BSN: variants seen among roughly 807,000 people sequenced by gnomAD.
BSN encodes the protein bassoon presynaptic cytomatrix protein, also known as protein bassoon.
A neutral mutation model predicts 264.8 loss-of-function variants in BSN; 57 were observed. That is an observed-to-expected ratio of 0.22 (90% CI 0.17 to 0.27). The LOEUF is 0.27. BSN is among the 10% of genes least tolerant of loss of function. The pLI is 1.00. For missense variants in BSN, 4,615 were observed against 5,232.5 expected (o/e 0.88, Z 3.64); for synonymous variants, 2,059 against 2,137.3 (o/e 0.96, Z 1.01).
At position 49,670,894 on chromosome 3, in the gene BSN, C is replaced by G. The variant is rs922186183; in HGVS notation, c.*3409C>G. 2.0e-5 allele frequency: 3 copies of G among 152,232 alleles called. No homozygotes were observed. The highest frequency in any genetic ancestry group is 4.4e-5 in the Non-Finnish European group (3 of 68,056). 9.4% of individuals were successfully genotyped at this position (152,232 alleles called of 1,614,324 possible). A position where few individuals can be genotyped will look rare whatever the true frequency, so the allele number is the denominator to read the frequency against. On this transcript the variant is annotated 3_prime_UTR_variant, in exon 12 of 12. Transcript: ENST00000296452. Reference sequence around the variant, plus strand: ...GGAGTTTTCCAGGCAGGTCCTTTGCCAGGACAGCATGGTCCTGCCCTGTTG... The same window carrying G: ...GGAGTTTTCCAGGCAGGTCCTTTGCGAGGACAGCATGGTCCTGCCCTGTTG...
intron 1 of BSN, among the ~76,000 whole-genome samples, chr3:49,576,192 G>A (rs1033336478): frequency 2.0e-5 from 3 of 152,020 alleles, no homozygotes; most frequent in African/African-American, 7.2e-5. Flanking sequence ...GTTCTAGCTG[G>A]ATTCCTACTT....
Position 49,663,819 on chromosome 3 carries a change from G to A in BSN, c.11541G>A (p.Gly3847=), listed in dbSNP as rs776925935. 3 of 1,613,994 alleles carry A rather than the reference G, an allele frequency of 1.9e-6. No homozygotes were observed. Among genetic ancestry groups the A allele is most frequent in the East Asian group, 4.5e-5 (2 of 44,906 alleles). The change falls in exon 8 of 12, where the codon GGG becomes GGA. Residue 3847 remains glycine, a synonymous_variant. Coordinates refer to ENST00000296452, the MANE Select transcript of BSN (RefSeq NM_003458.4). ...PRAEQTNGSK[G]TAKAPQQGRA... is the part of the protein sequence containing the mutation. ...CAGAACAGACAAATGGCTCTAAAGG[G>A]ACAGCCAAAGCACCGCAACAGGGGA...
rs1401358675 is a variant in BSN at position 49,652,813 on chromosome 3, G to C, written c.3257G>C (p.Arg1086Thr). Reference protein sequence around the residue: ...RDKEELRAQRRRERSKTPPSN... With the variant: ...RDKEELRAQRTRERSKTPPSN... ...AAGGAAGAACTGCGGGCCCAGCGGA[G>C]GCGAGAGCGCTCCAAGACACCACCC... is the stretch of plus-strand genomic sequence containing the variant. The change falls in exon 5 of 12, where the codon AGG (arginine) becomes ACG (threonine). Residue 1086 changes from arginine (R) to threonine (T), a missense_variant. Around this residue, in one of 3 missense-constraint regions of BSN, gnomAD observed 3,415 missense variants for 3,866.4 expected, o/e 0.88. Transcript: ENST00000296452. 1 of 1,566,558 alleles carries C rather than the reference G, an allele frequency of 6.4e-7. No homozygotes were observed. Among genetic ancestry groups the C allele is most frequent in the East Asian group, 2.3e-5 (1 of 44,392 alleles).
At position 49,642,924 on chromosome 3, in the gene BSN, G is replaced by A. The variant is rs749525893; in HGVS notation, c.1290G>A (p.Pro430=). The change falls in exon 3 of 12, where the codon CCG becomes CCA. Residue 430 remains proline (P), a synonymous_variant. Transcript: ENST00000296452. The surrounding 1 kb of genome is among the most constrained non-coding windows in gnomAD (Gnocchi z 7.0). ...CTGGATCTGGACCTGGAGCCCTGCC[G>A]AAAACTGGGGGAACAACCAGTCCAA... ...MGPGSGPGAL[P]KTGGTTSPKH... 6.8e-6 allele frequency: 11 copies of A among 1,614,034 alleles called. No individual in the cohort carries two copies. The highest frequency in any genetic ancestry group is 5.0e-5 in the Admixed American group (3 of 60,016).
At chr3:49,643,867 G>A (rs925071567) in intron 3 of BSN, among the ~76,000 whole-genome samples, 3 of 152,220 alleles carry the variant, frequency 2.0e-5, no homozygotes, top group African/African-American at 7.2e-5. Context: ...CTGCTCCAGG[G>A]AAGGGCACTG....
chr3:49,614,250 A>G (rs1023796923), intron 1 of BSN, among the ~76,000 whole-genome samples: 1 of 151,798 alleles, frequency 6.6e-6, no homozygotes, highest in Non-Finnish European at 1.5e-5. Context: ...TAGTAGAGAC[A>G]GGGTTTCACC....
intron 1 of BSN, among the ~76,000 whole-genome samples, chr3:49,578,204 A>G (rs865785173): frequency 6.6e-6 from 1 of 151,810 alleles, no homozygotes; most frequent in Non-Finnish European, 1.5e-5. Flanking sequence ...CTTGTTGCCC[A>G]CCTAGGATGG....
At chr3:49,568,332 G>A (rs1028308445) in intron 1 of BSN, among the ~76,000 whole-genome samples, 6 of 152,126 alleles carry the variant, frequency 3.9e-5, no homozygotes, top group African/African-American at 9.7e-5. Context: ...GGCATATACC[G>A]TACTTTTTTA....
At position 49,656,056 on chromosome 3, in the gene BSN, A is replaced by G. The variant is rs759687689; in HGVS notation, c.6500A>G (p.Tyr2167Cys). Residue 2167 changes from tyrosine to cysteine, a missense_variant, in exon 5 of 12, where the codon TAT becomes TGT. This residue lies in a region of BSN where 3,415 missense variants were observed against 3,866.4 expected (regional missense o/e 0.88). Transcript: ENST00000296452. ...CCAAGTCCTGGGAACTTGGCCCAGT[A>G]TGGGCCTGCAGCAGGCCAAGGAACA... ...GHPSPGNLAQ[Y>C]GPAAGQGTAV... is the part of the protein sequence containing the mutation. The G allele has an allele frequency of 5.0e-6, 8 of 1,607,602 alleles. No homozygotes were observed. Among genetic ancestry groups the G allele is most frequent in the Non-Finnish European group, 6.8e-6 (8 of 1,177,220 alleles).
Position 49,654,218 on chromosome 3 carries a change from T to C in BSN, c.4662T>C (p.Ala1554=). The C allele has an allele frequency of 6.2e-7, 1 of 1,613,718 alleles. No homozygotes were observed. Among genetic ancestry groups the C allele is most frequent in the Non-Finnish European group, 8.5e-7 (1 of 1,179,884 alleles). The part of the protein sequence containing the change: ...RLVWQESSQE[A]PFMVITLASD... ...TGTGGCAGGAGTCCTCTCAAGAGGC[T>C]CCCTTTATGGTCATCACGCTGGCAT... is the stretch of plus-strand genomic sequence containing the variant. Residue 1554 remains alanine (A), a synonymous_variant, in exon 5 of 12, where the codon GCT becomes GCC. Coordinates refer to ENST00000296452, the MANE Select transcript of BSN (RefSeq NM_003458.4). This position sits in a 1 kb window ranked among gnomAD's most constrained non-coding sequence, Gnocchi z 4.1.
At chr3:49,647,913 A>T (rs910906192) in intron 3 of BSN, among the ~76,000 whole-genome samples, 1 of 152,156 alleles carries the variant, frequency 6.6e-6, no homozygotes, top group African/African-American at 2.4e-5. Flanking sequence ...CAGCCAGGTC[A>T]ATGTTTATTT....
At position 49,655,731 on chromosome 3, in the gene BSN, C is replaced by T. The variant is rs887784612; in HGVS notation, c.6175C>T (p.Arg2059Trp). The T allele has an allele frequency of 3.7e-6, 6 of 1,613,356 alleles. No homozygotes were observed. The highest frequency in any genetic ancestry group is 2.2e-5 in the East Asian group (1 of 44,890). ...TDLLAHPLPM[R>W]RYSSVSNIYS... ...CCTTTTGGCTCACCCGCTTCCCATGCGGCGCTATAGCTCAGTGTCGAACAT... is the reference window on the plus strand; with the variant it reads ...CCTTTTGGCTCACCCGCTTCCCATGTGGCGCTATAGCTCAGTGTCGAACAT... Residue 2059 changes from arginine to tryptophan, a missense_variant, in exon 5 of 12, where the codon CGG (arginine) becomes TGG (tryptophan). Coordinates refer to ENST00000296452, the MANE Select transcript of BSN (RefSeq NM_003458.4).
At chr3:49,584,359 C>T (rs1210725539) in intron 1 of BSN, among the ~76,000 whole-genome samples, 3 of 151,472 alleles carry the variant, frequency 2.0e-5, no homozygotes, top group South Asian at 2.1e-4. Flanking sequence ...TGTATTTCAC[C>T]TCTAATCTTT....
rs565075708 is a variant in BSN at position 49,662,348 on chromosome 3, C to G, written c.10503C>G (p.Ala3501=). ...SRVRPPMRSQ[A]SEEESPVSPL... Reference sequence around the variant, plus strand: ...TACGACCCCCCATGCGGAGCCAGGCCTCTGAAGAGGAGAGCCCCGTCAGTC... The same window carrying G: ...TACGACCCCCCATGCGGAGCCAGGCGTCTGAAGAGGAGAGCCCCGTCAGTC... Residue 3501 remains alanine, a synonymous_variant, in exon 6 of 12, where the codon GCC becomes GCG. Coordinates refer to ENST00000296452, the MANE Select transcript of BSN (RefSeq NM_003458.4). 2 of 1,613,582 alleles carry G rather than the reference C, an allele frequency of 1.2e-6. No individual in the cohort carries two copies. Among genetic ancestry groups the G allele is most frequent in the Admixed American group, 3.3e-5 (2 of 60,020 alleles).
intron 1 of BSN, among the ~76,000 whole-genome samples, chr3:49,610,600 A>AAAAC (rs2052199320): frequency 6.6e-6 from 1 of 151,636 alleles, no homozygotes; most frequent in Admixed American, 6.6e-5. Context: ...AAAAAAAAAA[A>AAAAC]AAAAAACAAG....
intron 11 of BSN, among the ~76,000 whole-genome samples, chr3:49,666,510 A>T (rs2052714813): frequency 6.6e-6 from 1 of 152,248 alleles, no homozygotes; most frequent in Admixed American, 6.5e-5. Context: ...AATAAAATTC[A>T]ATTAAAAAGG....
At chr3:49,633,791 T>C (rs1586827) in intron 2 of BSN, among the ~76,000 whole-genome samples, 124,565 of 152,224 alleles carry the variant, frequency 0.82, 51,332 homozygotes, top group East Asian at 0.99. Flanking sequence ...TGATACAACA[T>C]GGACGAACCT....
intron 2 of BSN, among the ~76,000 whole-genome samples, chr3:49,641,083 G>A (rs2052459317): frequency 6.6e-6 from 1 of 152,182 alleles, no homozygotes; most frequent in African/African-American, 2.4e-5. Flanking sequence ...TTCCCAAGGT[G>A]TGGTGGAAAT....
chr3:49,613,303 C>CGAGCGAGA (rs1553662875), intron 1 of BSN, among the ~76,000 whole-genome samples: 1 of 47,324 alleles, frequency 2.1e-5, no homozygotes, highest in African/African-American at 7.0e-5. Flanking sequence ...ACACACAGAG[C>CGAGCGAGA]GAGAGAGAGA....
Sources: allele counts gnomAD v4.1 joint callset (sites outside exome capture counted in the v4.1 genomes callset), GRCh38; gene constraint gnomAD v4.1.1; regional missense constraint gnomAD v4.1.1; non-coding constraint Gnocchi (gnomAD v3.1); transcripts MANE v1.5; gene names NCBI Gene and HGNC (gene_info 2026-07-23, HGNC 2026-07-21).